Variants in HMBOX1 observed in about 807,000 individuals in gnomAD.
HMBOX1 encodes homeobox containing 1.
A neutral mutation model predicts 54.5 loss-of-function variants in HMBOX1; 14 were observed. That is an observed-to-expected ratio of 0.26 (90% CI 0.17 to 0.40). HMBOX1 has a LOEUF of 0.40. Among genes scored for constraint, HMBOX1 ranks in the 10% least tolerant of loss-of-function variants. HMBOX1 has a pLI of 1.00. For missense variants in HMBOX1, 332 were observed against 514.4 expected (o/e 0.65, Z 3.43); for synonymous variants, 160 against 181.0 (o/e 0.88, Z 0.93).
chr8:29,007,777 C>T (rs1833672539), intron 4 of HMBOX1, among the ~76,000 whole-genome samples: 1 of 152,068 alleles, frequency 6.6e-6, no homozygotes, highest in African/African-American at 2.4e-5. Context: ...CACTGCACTC[C>T]AGCCTGGGAG....
intron 6 of HMBOX1, among the ~76,000 whole-genome samples, chr8:29,026,039 C>G (rs1243608356): frequency 1.0e-5 from 1 of 95,634 alleles, no homozygotes; most frequent in Non-Finnish European, 2.1e-5. Flanking sequence ...TACTTGCTAC[C>G]ATGTACACAC....
chr8:28,939,898 A>G (rs1032232798), intron 1 of HMBOX1, among the ~76,000 whole-genome samples: 1 of 152,164 alleles, frequency 6.6e-6, no homozygotes, highest in South Asian at 2.1e-4. Flanking sequence ...GCTGCTTTTT[A>G]AAAAATCTCT....
At chr8:28,998,986 A>C (rs1280498538) in intron 4 of HMBOX1, among the ~76,000 whole-genome samples, 1 of 152,134 alleles carries the variant, frequency 6.6e-6, no homozygotes, top group South Asian at 2.1e-4. Flanking sequence ...TGCATTATAT[A>C]GTTTTCTTTT....
At chr8:28,936,659 C>T (rs1563422611) in intron 1 of HMBOX1, among the ~76,000 whole-genome samples, 1 of 151,896 alleles carries the variant, frequency 6.6e-6, no homozygotes, top group Admixed American at 6.6e-5. Context: ...CACAAATCCA[C>T]TTGTCTTTGG....
intron 1 of HMBOX1, among the ~76,000 whole-genome samples, chr8:28,963,165 G>A (rs892714250): frequency 2.0e-5 from 3 of 151,952 alleles, no homozygotes; most frequent in Non-Finnish European, 4.4e-5. Flanking sequence ...TGTATTTTTA[G>A]TACAGTTGGG....
intron 6 of HMBOX1, among the ~76,000 whole-genome samples, chr8:29,020,837 T>C (rs1346055390): frequency 6.6e-6 from 1 of 152,204 alleles, no homozygotes. Context: ...TACATATGCA[T>C]AGACTGTAAA....
At chr8:29,047,943 C>T (rs1805844180) in intron 8 of HMBOX1, among the ~76,000 whole-genome samples, 1 of 152,150 alleles carries the variant, frequency 6.6e-6, no homozygotes, top group African/African-American at 2.4e-5. Flanking sequence ...GTATTATTTA[C>T]ACTATTTGTA....
At chr8:28,964,445 G>A (rs1425362572) in intron 2 of HMBOX1, among the ~76,000 whole-genome samples, 2 of 152,156 alleles carry the variant, frequency 1.3e-5, no homozygotes, top group Non-Finnish European at 2.9e-5. Flanking sequence ...GTGTTTTTGT[G>A]CTAGGATATG....
In HMBOX1 at chr8:29,035,364, A is replaced by G. The variant is rs1803690538; in HGVS notation, c.852-9997A>G. 2.0e-5 allele frequency among the ~76,000 whole-genome samples: 3 copies of G among 152,210 alleles called. No homozygotes were observed. In the South Asian group the frequency reaches 6.2e-4, roughly 31 times the overall value. On this transcript the variant is annotated intron_variant, in intron 6 of 9. Coordinates refer to ENST00000287701, the MANE Select transcript of HMBOX1 (RefSeq NM_001135726.3). ...CCAGTTTATAATTCAGCACTTTTAAAAAAAAGAATAGTCTCCCTGCCTTGG... is the reference window on the plus strand; with the variant it reads ...CCAGTTTATAATTCAGCACTTTTAAGAAAAAGAATAGTCTCCCTGCCTTGG...
At chr8:28,926,163 A>G (rs1002015024) in intron 1 of HMBOX1, among the ~76,000 whole-genome samples, 1 of 152,076 alleles carries the variant, frequency 6.6e-6, no homozygotes, top group Non-Finnish European at 1.5e-5. Context: ...CTAGCCGGGC[A>G]TGGTGGCGTA....
chr8:29,032,056 G>A (rs941520296), intron 6 of HMBOX1, among the ~76,000 whole-genome samples: 4 of 152,236 alleles, frequency 2.6e-5, no homozygotes, highest in Non-Finnish European at 4.4e-5. Flanking sequence ...GAGGCTGAGT[G>A]AGTAGGTTGC....
At chr8:28,916,356 T>C (rs1030247988) in intron 1 of HMBOX1, among the ~76,000 whole-genome samples, 5 of 152,144 alleles carry the variant, frequency 3.3e-5, no homozygotes, top group African/African-American at 1.2e-4. Flanking sequence ...GAATTACCCA[T>C]GGGATATAAC....
intron 4 of HMBOX1, among the ~76,000 whole-genome samples, chr8:29,004,949 G>A (rs534259696): frequency 2.4e-4 from 37 of 152,238 alleles, no homozygotes; most frequent in African/African-American, 8.2e-4. Context: ...ACTGTAAAAC[G>A]TGTCCTTTTA....
At chr8:28,944,271 A>G (rs923320409) in intron 1 of HMBOX1, among the ~76,000 whole-genome samples, 20 of 152,342 alleles carry the variant, frequency 1.3e-4, no homozygotes, top group African/African-American at 4.6e-4. Context: ...GAATCCAACA[A>G]GCATTTTTAT....
rs147141278 is a variant in HMBOX1, at chr8:28,922,613, A to G, written c.-58+31935A>G. On this transcript the variant is annotated intron_variant, in intron 1 of 9. Coordinates refer to ENST00000287701, the MANE Select transcript of HMBOX1 (RefSeq NM_001135726.3). Reference sequence around the variant, plus strand: ...TATGAATTCTTACAGTAATACACATACACAATTTCCACATAATTTCAGACA... The same window carrying G: ...TATGAATTCTTACAGTAATACACATGCACAATTTCCACATAATTTCAGACA... 3.0e-3 allele frequency among the ~76,000 whole-genome samples: 463 copies of G among 152,342 alleles called. 1 individual carries two copies. Among genetic ancestry groups the G allele is most frequent in the African/African-American group, 0.011 (439 of 41,578 alleles).
chr8:28,891,008 G>A (rs1810793114), intron 1 of HMBOX1: 1 of 153,002 alleles, frequency 6.5e-6, no homozygotes. Flanking sequence ...GAAACTGTGA[G>A]GTGATTTGCA....
chr8:28,973,969 A>C (rs1827961603), intron 3 of HMBOX1, among the ~76,000 whole-genome samples: 1 of 150,418 alleles, frequency 6.6e-6, no homozygotes, highest in South Asian at 2.1e-4. Context: ...GTGCACCACC[A>C]CCCCCAGCTA....
At chr8:29,035,872 G>C (rs1432589077) in intron 6 of HMBOX1, among the ~76,000 whole-genome samples, 1 of 152,082 alleles carries the variant, frequency 6.6e-6, no homozygotes, top group Non-Finnish European at 1.5e-5. Context: ...TACTGTTTTT[G>C]TGTGACACCT....
chr8:28,956,758 T>C (rs1460134116), intron 1 of HMBOX1, among the ~76,000 whole-genome samples: 1 of 152,234 alleles, frequency 6.6e-6, no homozygotes, highest in East Asian at 1.9e-4. Context: ...AAGTCCACTT[T>C]TGGTTTTCTT....
Sources: gnomAD v4.1 joint callset for allele counts (sites outside exome capture counted in the v4.1 genomes callset) on GRCh38, gnomAD v4.1.1 for gene constraint, MANE v1.5 for transcripts, NCBI Gene and HGNC (gene_info 2026-07-23, HGNC 2026-07-21) for gene names.